The following AZIN1 variants were observed in gnomAD, a reference collection of about 807,000 sequenced individuals.
The protein encoded by AZIN1 is antizyme inhibitor 1, also known as ornithine decarboxylase antizyme inhibitor.
In AZIN1, 12 loss-of-function variants were observed where a neutral mutation model predicts 47.4. The observed-to-expected ratio is 0.25, with a 90% CI of 0.16 to 0.41. The LOEUF is 0.41. Among genes scored for constraint, AZIN1 ranks in the 10% least tolerant of loss-of-function variants. The pLI, the probability that AZIN1 is intolerant of heterozygous loss-of-function variation, is 1.00. For missense variants in AZIN1, 410 were observed against 532.4 expected (o/e 0.77, Z 2.26); for synonymous variants, 155 against 176.3 (o/e 0.88, Z 0.96).
In AZIN1 at chr8:102,833,144, G is replaced by A. The variant is rs2304347; in HGVS notation, c.816C>T (p.Pro272=). ...EGSGVKIISE[P]GSYYVSSAFT... ...ATGCAGAAGACACATAGTAGCTTCC[G>A]GGTTCTGAAATTATCTTAACACCAG... The change falls in exon 9 of 12, where the codon CCC becomes CCT. Residue 272 remains proline, a synonymous_variant. Coordinates refer to ENST00000337198, the MANE Select transcript of AZIN1 (RefSeq NM_148174.4). 20,272 of 1,613,028 alleles carry A rather than the reference G, an allele frequency of 0.013. 1,206 individuals are homozygous for A. In the East Asian group the frequency reaches 0.22, roughly 17 times the overall value.
chr8:102,856,591 G>C (rs1026912045), intron 2 of AZIN1, among the ~76,000 whole-genome samples: 2 of 152,202 alleles, frequency 1.3e-5, no homozygotes, highest in Non-Finnish European at 2.9e-5. Context: ...CGAATTAAAA[G>C]AAGGATTATC....
At position 102,827,574 on chromosome 8, in the gene AZIN1, T is replaced by C. The variant is rs1811181464; in HGVS notation, c.*993A>G. On this transcript the variant is annotated 3_prime_UTR_variant, in exon 12 of 12. Coordinates refer to ENST00000337198, the MANE Select transcript of AZIN1 (RefSeq NM_148174.4). The stretch of plus-strand genomic sequence containing the variant: ...GATGTAGCCCTTCTTTAAGTTTTAG[T>C]GCTCTGCAGTTTTCTGCAATTTTAT... The C allele has an allele frequency of 6.6e-6, 1 of 152,256 alleles. No individual in the cohort carries two copies. The highest frequency in any genetic ancestry group is 1.5e-5 in the Non-Finnish European group (1 of 68,028). 9.4% of individuals were successfully genotyped at this position (152,256 alleles called of 1,614,324 possible). A position where few individuals can be genotyped will look rare whatever the true frequency, so the allele number is the denominator to read the frequency against.
chr8:102,830,133 C>A (rs1170292692), intron 9 of AZIN1, 197 bp from the exon 10 acceptor site: 12 of 440,074 alleles, frequency 2.7e-5, no homozygotes, highest in Non-Finnish European at 4.9e-5. Context: ...TACCTGTAAT[C>A]CTAGCACTTT....
chr8:102,835,353 A>G (rs1811751788), intron 6 of AZIN1: 2 of 152,354 alleles, frequency 1.3e-5, no homozygotes, highest in South Asian at 4.1e-4. Flanking sequence ...ATAGTACTTC[A>G]TTAATTTTTA....
intron 1 of AZIN1, among the ~76,000 whole-genome samples, chr8:102,861,236 T>G (rs2131293023): frequency 6.6e-6 from 1 of 152,254 alleles, no homozygotes; most frequent in South Asian, 2.1e-4. Context: ...ATTATTATTA[T>G]TTTTTGAGAT....
chr8:102,848,250 A>C (rs1812701267), intron 2 of AZIN1, among the ~76,000 whole-genome samples: 1 of 146,130 alleles, frequency 6.8e-6, no homozygotes, highest in East Asian at 2.0e-4. Context: ...CTCAGAATCT[A>C]TCTCTGTCAT....
chr8:102,829,726 C>T, intron 10 of AZIN1, 95 bp downstream of exon 10: 3 of 995,960 alleles, frequency 3.0e-6, no homozygotes, highest in Admixed American at 4.5e-5. Context: ...TTTCCCCATT[C>T]TAAGATGTTT....
chr8:102,857,898 C>G, intron 2 of AZIN1, 115 bp downstream of exon 2: 1 of 396,400 alleles, frequency 2.5e-6, no homozygotes, highest in Non-Finnish European at 4.4e-6. Context: ...ATTTAAAAGT[C>G]ACTGCACTTT....
In AZIN1 at chr8:102,834,170, CA is replaced by C. The variant is rs1563531634; in HGVS notation, c.741+18del. ...AAGAAAGCAATTATTCTGTTAATGT[CA>C]TCTACTGAGAAGTTTACCTCTTCCA... On this transcript the variant is annotated intron_variant, in intron 8 of 11. Transcript: ENST00000337198. 6.3e-7 allele frequency: 1 copy of C among 1,597,644 alleles called. No homozygotes were observed. The highest frequency in any genetic ancestry group is 1.7e-5 in the Admixed American group (1 of 59,724).
chr8:102,833,752 AAT>A (rs1491131247), intron 8 of AZIN1, among the ~76,000 whole-genome samples: 10 of 68,464 alleles, frequency 1.5e-4, no homozygotes, highest in Non-Finnish European at 2.7e-4. Flanking sequence ...AGAAAGACTC[AAT>A]TTTTTTTTTT....
intron 9 of AZIN1, among the ~76,000 whole-genome samples, chr8:102,832,318 CA>C (rs961987808): frequency 1.3e-4 from 18 of 140,654 alleles, no homozygotes; most frequent in Admixed American, 4.2e-4. Flanking sequence ...AGTCCACAGC[CA>C]AAAAAAAAAG....
intron 2 of AZIN1, among the ~76,000 whole-genome samples, chr8:102,853,016 T>A (rs1294828515): frequency 6.6e-6 from 1 of 152,210 alleles, no homozygotes; most frequent in Non-Finnish European, 1.5e-5. Context: ...TCTCATTTAT[T>A]CTAATGGAAG....
chr8:102,860,425 G>A (rs546511877), intron 1 of AZIN1, among the ~76,000 whole-genome samples: 5 of 152,022 alleles, frequency 3.3e-5, no homozygotes, highest in Admixed American at 3.3e-4. Context: ...ACCATGCCCG[G>A]CTAATTTTTT....
At chr8:102,851,058 G>A (rs1318749246) in intron 2 of AZIN1, among the ~76,000 whole-genome samples, 1 of 152,188 alleles carries the variant, frequency 6.6e-6, no homozygotes, top group African/African-American at 2.4e-5. Context: ...AAAATGTCTT[G>A]ACTATTCAAT....
intron 2 of AZIN1, among the ~76,000 whole-genome samples, chr8:102,844,649 AT>A (rs1253614626): frequency 1.3e-5 from 2 of 149,212 alleles, no homozygotes; most frequent in Non-Finnish European, 3.0e-5. Flanking sequence ...AAAAAAAAAA[AT>A]CATAGAGCAT....
intron 10 of AZIN1, 42 bp from the exon 11 acceptor site, chr8:102,829,528 C>T (rs375840232): frequency 1.9e-4 from 282 of 1,502,924 alleles, no homozygotes; most frequent in Non-Finnish European, 2.3e-4. Context: ...CTCATACTTA[C>T]GCAGGTATTG....
rs777986584 is a variant in AZIN1 at position 102,834,636 on chromosome 8, T to C, written c.666+30A>G. 1.2e-5 allele frequency: 18 copies of C among 1,518,854 alleles called. No individual in the cohort carries two copies. The Admixed American group carries it at 3.3e-4, about 28-fold the overall frequency. 94.1% of individuals were successfully genotyped at this position (1,518,854 alleles called of 1,614,324 possible). A position where few individuals can be genotyped will look rare whatever the true frequency, so the allele number is the denominator to read the frequency against. On this transcript the variant is annotated intron_variant, in intron 7 of 11. Coordinates refer to ENST00000337198, the MANE Select transcript of AZIN1 (RefSeq NM_148174.4). ...ACTTAACATCCTGGCTAAAATAAAA[T>C]ATCAAAATAACTTAAAAGAAAGAAC...
chr8:102,829,565 CTG>C, intron 10 of AZIN1, 79 bp from the exon 11 acceptor site: 1 of 1,314,314 alleles, frequency 7.6e-7, no homozygotes. Flanking sequence ...AGTATTTTCA[CTG>C]TCTCAGATCC....
intron 8 of AZIN1, 58 bp downstream of exon 8, chr8:102,834,131 C>T: frequency 1.4e-6 from 2 of 1,393,876 alleles, no homozygotes; most frequent in Admixed American, 1.7e-5. Flanking sequence ...TACACATCCA[C>T]CACTTAAGTA....
Sources: allele counts gnomAD v4.1 joint callset (sites outside exome capture counted in the v4.1 genomes callset), GRCh38; gene constraint gnomAD v4.1.1; transcripts MANE v1.5; gene names NCBI Gene and HGNC (gene_info 2026-07-23, HGNC 2026-07-21).